The following SH3D19 variants were observed in gnomAD, a reference collection of about 807,000 sequenced individuals.
The protein encoded by SH3D19 is SH3 domain-containing protein 19.
A neutral mutation model predicts 112.1 loss-of-function variants in SH3D19; 58 were observed. The observed-to-expected ratio is 0.52, with a 90% CI of 0.42 to 0.64. SH3D19 has a LOEUF of 0.64. Among genes scored for constraint, SH3D19 ranks in the 30% least tolerant of loss-of-function variants. SH3D19 has a pLI of 0.00. For synonymous variants in SH3D19, 391 were observed against 448.5 expected, an observed-to-expected ratio of 0.87 and a Z score of 1.62; for missense variants, 1,090 against 1,263.4, an observed-to-expected ratio of 0.86 and a Z score of 2.08.
intron 1 of SH3D19, among the ~76,000 whole-genome samples, chr4:151,289,807 CA>C (rs1204854599): frequency 6.6e-6 from 1 of 152,180 alleles, no homozygotes; most frequent in Admixed American, 6.5e-5. Context: ...GAGCTGGGCA[CA>C]GTGGCTTCCA....
intron 1 of SH3D19, among the ~76,000 whole-genome samples, chr4:151,228,676 G>T (rs1561382410): frequency 6.6e-6 from 1 of 152,158 alleles, no homozygotes; most frequent in East Asian, 1.9e-4. Flanking sequence ...AATCACTGAG[G>T]GTGGATTCAG....
At chr4:151,273,405 A>G (rs1247120118) in intron 1 of SH3D19, among the ~76,000 whole-genome samples, 2 of 151,906 alleles carry the variant, frequency 1.3e-5, no homozygotes, top group African/African-American at 4.8e-5. Context: ...CCTGGCTAAC[A>G]TGGTGAAAAC....
At chr4:151,233,976 G>A (rs981128034) in intron 1 of SH3D19, among the ~76,000 whole-genome samples, 1 of 152,102 alleles carries the variant, frequency 6.6e-6, no homozygotes, top group East Asian at 1.9e-4. Flanking sequence ...TTTCTGCCCT[G>A]CATCCTTTAT....
intron 2 of SH3D19, among the ~76,000 whole-genome samples, chr4:151,191,749 C>T (rs1259408446): frequency 6.6e-6 from 1 of 151,620 alleles, no homozygotes; most frequent in Non-Finnish European, 1.5e-5. Flanking sequence ...AGGTTCATGC[C>T]ATTCTCCTGC....
Position 151,239,992 on chromosome 4 carries a change from G to A in SH3D19, c.113-13906C>T, listed in dbSNP as rs551022226. Among the ~76,000 whole-genome samples the A allele has an allele frequency of 2.6e-5, 4 of 152,300 alleles. No homozygotes were observed. In the East Asian group the frequency reaches 7.7e-4, roughly 29 times the overall value. ...TATGGAAAAAACTCTTGGGTCAGGT[G>A]CCATTGTTCACACTGTAATCCCAGT... On this transcript the variant is annotated intron_variant, in intron 1 of 19. Transcript: ENST00000604030.
chr4:151,156,552 T>G (rs1039487764), intron 9 of SH3D19, among the ~76,000 whole-genome samples: 5 of 152,156 alleles, frequency 3.3e-5, no homozygotes, highest in Non-Finnish European at 7.3e-5. Flanking sequence ...TTGACAAAAG[T>G]GCCAAGAACA....
At chr4:151,267,157 T>TA (rs1378855145) in intron 1 of SH3D19, among the ~76,000 whole-genome samples, 850 of 57,238 alleles carry the variant, frequency 0.015, 11 homozygotes, top group African/African-American at 0.026. Context: ...AGTCTCTCTC[T>TA]AAAAAAAAAA....
Position 151,148,335 on chromosome 4 carries a change from AG to A in SH3D19, c.1818-150del. On this transcript the variant is annotated intron_variant, in intron 10 of 19. Coordinates refer to ENST00000604030, the MANE Select transcript of SH3D19 (RefSeq NM_001378122.1). ...TGGAATACAGTTTACTGAAACATGCAGGGTATGCTATTTTTGAGCAAACGAC... is the reference window on the plus strand; with the variant it reads ...TGGAATACAGTTTACTGAAACATGCAGGTATGCTATTTTTGAGCAAACGAC... 8.6e-6 allele frequency: 7 copies of A among 814,856 alleles called. No homozygotes were observed. In the South Asian group the frequency reaches 9.7e-5, roughly 11 times the overall value. 50.5% of individuals were successfully genotyped at this position (814,856 alleles called of 1,614,324 possible). A position where few individuals can be genotyped will look rare whatever the true frequency, so the allele number is the denominator to read the frequency against.
At chr4:151,198,429 T>C (rs2407420) in intron 2 of SH3D19, among the ~76,000 whole-genome samples, 3 of 142,430 alleles carry the variant, frequency 2.1e-5, no homozygotes, top group Non-Finnish European at 3.0e-5. Flanking sequence ...AAATATATAT[T>C]ATATAAAATA....
At chr4:151,309,868 T>C (rs1044610932) in intron 1 of SH3D19, among the ~76,000 whole-genome samples, 3 of 152,154 alleles carry the variant, frequency 2.0e-5, no homozygotes, top group Non-Finnish European at 4.4e-5. Context: ...CACATACTTG[T>C]AGTCCCAGCT....
intron 2 of SH3D19, among the ~76,000 whole-genome samples, chr4:151,193,844 T>A (rs1763006798): frequency 6.6e-6 from 1 of 152,152 alleles, no homozygotes; most frequent in South Asian, 2.1e-4. Flanking sequence ...GGACACCTAT[T>A]GAAGGAACCA....
intron 1 of SH3D19, among the ~76,000 whole-genome samples, chr4:151,246,118 G>A (rs1001476093): frequency 6.6e-6 from 1 of 150,620 alleles, no homozygotes; most frequent in Non-Finnish European, 1.5e-5. Flanking sequence ...TTTAATTTAT[G>A]TTTTCAGGAA....
Position 151,235,505 on chromosome 4 carries a change from C to G in SH3D19, c.113-9419G>C, listed in dbSNP as rs147195238. ...CTGAGGATAAAACATTTCTTACAGG[C>G]CAGGTGCAGTGGCTCACACCTGTAA... On this transcript the variant is annotated intron_variant, in intron 1 of 19. Coordinates refer to ENST00000604030, the MANE Select transcript of SH3D19 (RefSeq NM_001378122.1). 2.2e-3 allele frequency among the ~76,000 whole-genome samples: 337 copies of G among 152,278 alleles called. 2 individuals carry two copies. The highest frequency in any genetic ancestry group is 6.9e-3 in the African/African-American group (285 of 41,544).
intron 9 of SH3D19, among the ~76,000 whole-genome samples, chr4:151,151,419 T>G (rs1289970648): frequency 6.6e-6 from 1 of 152,158 alleles, no homozygotes; most frequent in Non-Finnish European, 1.5e-5. Context: ...TAAAGGATGT[T>G]TAATTAAAGC....
intron 9 of SH3D19, among the ~76,000 whole-genome samples, chr4:151,157,832 A>T (rs1213835698): frequency 6.6e-6 from 1 of 151,462 alleles, no homozygotes; most frequent in Non-Finnish European, 1.5e-5. Flanking sequence ...GAAATAAGCC[A>T]GGAACAGAAA....
chr4:151,265,831 C>T (rs1251476220), intron 1 of SH3D19, among the ~76,000 whole-genome samples: 1 of 152,028 alleles, frequency 6.6e-6, no homozygotes, highest in African/African-American at 2.4e-5. Flanking sequence ...GCGATCCACC[C>T]GCCTCAGCCT....
At chr4:151,255,243 G>A (rs1299665418) in intron 1 of SH3D19, among the ~76,000 whole-genome samples, 17 of 149,646 alleles carry the variant, frequency 1.1e-4, no homozygotes, top group African/African-American at 3.7e-4. Context: ...GGCGGCTGCC[G>A]GGCGGAGGGG....
chr4:151,255,498 C>G (rs1192560051), intron 1 of SH3D19, among the ~76,000 whole-genome samples: 3 of 151,434 alleles, frequency 2.0e-5, no homozygotes, highest in African/African-American at 7.3e-5. Flanking sequence ...TTCTCACTTC[C>G]TAGGTGAGAT....
In SH3D19 at chr4:151,133,066, T is replaced by A. The variant is rs192063486; in HGVS notation, c.2657A>T (p.Glu886Val). The A allele has an allele frequency of 9.9e-5, 160 of 1,614,068 alleles. No individual in the cohort carries two copies. The East Asian group carries it at 2.5e-3, about 25-fold the overall frequency. ...IFPLNFVEPVEDYPTSGANVL... is the reference protein window; with the variant it reads ...IFPLNFVEPVVDYPTSGANVL... The stretch of plus-strand genomic sequence containing the variant: ...ATTTGCACCAGAGGTGGGATAATCC[T>A]CAACAGGCTCCACAAAGTTCAGGGG... Residue 886 changes from glutamate (E) to valine (V), a missense_variant, in exon 16 of 20, where the codon GAG (glutamate) becomes GTG (valine). Glu to Val is a moderately radical substitution (Grantham distance 121). Transcript: ENST00000604030.
Sources: allele counts gnomAD v4.1 joint callset (sites outside exome capture counted in the v4.1 genomes callset), GRCh38; gene constraint gnomAD v4.1.1; transcripts MANE v1.5; gene names NCBI Gene and HGNC (gene_info 2026-07-23, HGNC 2026-07-21).